Variants in SOS2 observed in about 807,000 individuals in gnomAD.
SOS2 encodes son of sevenless homolog 2.
SOS2 carries 65 observed loss-of-function variants against 148.2 expected under a neutral mutation model. The observed-to-expected ratio is 0.44, with a 90% CI of 0.36 to 0.54. SOS2 has a LOEUF of 0.54. Among genes scored for constraint, SOS2 ranks in the 20% least tolerant of loss-of-function variants. SOS2 has a pLI of 0.00. For synonymous variants in SOS2, 539 were observed against 537.1 expected (o/e 1.00, Z -0.05); for missense variants, 1,341 against 1,590.2 (o/e 0.84, Z 2.67).
chr14:50,202,232 G>A (rs1414345725), intron 2 of SOS2, among the ~76,000 whole-genome samples: 1 of 152,138 alleles, frequency 6.6e-6, no homozygotes. Flanking sequence ...CCAAAGTGCT[G>A]GGATTACAAG....
chr14:50,222,282 A>G (rs1887224323), intron 1 of SOS2, among the ~76,000 whole-genome samples: 1 of 152,216 alleles, frequency 6.6e-6, no homozygotes, highest in South Asian at 2.1e-4. Flanking sequence ...GTTTTTCAAA[A>G]TTCTTTTGGG....
chr14:50,153,404 C>T (rs1264204156), intron 12 of SOS2, among the ~76,000 whole-genome samples: 1 of 152,006 alleles, frequency 6.6e-6, no homozygotes, highest in Non-Finnish European at 1.5e-5. Context: ...TATTTATAAG[C>T]ATAAAAATAG....
chr14:50,197,775 A>G (rs1005151718), intron 4 of SOS2, among the ~76,000 whole-genome samples: 7 of 145,650 alleles, frequency 4.8e-5, no homozygotes, highest in Non-Finnish European at 1.0e-4. Context: ...TGCAAACTCT[A>G]CCTCCTGGGT....
intron 1 of SOS2, among the ~76,000 whole-genome samples, chr14:50,218,081 TG>T (rs1473478954): frequency 2.7e-5 from 4 of 150,778 alleles, no homozygotes; most frequent in Non-Finnish European, 5.9e-5. Context: ...GATGATCATT[TG>T]AGGCCAGGAG....
At chr14:50,209,341 C>G (rs1397161496) in intron 1 of SOS2, among the ~76,000 whole-genome samples, 1 of 125,414 alleles carries the variant, frequency 8.0e-6, no homozygotes, top group African/African-American at 2.7e-5. Context: ...GGTTCTGCTT[C>G]TCTGAAGAAT....
intron 16 of SOS2, among the ~76,000 whole-genome samples, chr14:50,140,740 GA>G (rs753131002): frequency 6.7e-6 from 1 of 150,366 alleles, no homozygotes; most frequent in South Asian, 2.1e-4. Context: ...AGATTGGAAA[GA>G]AAAAAAAATG....
chr14:50,210,753 A>G (rs1483375224), intron 1 of SOS2, among the ~76,000 whole-genome samples: 3 of 152,148 alleles, frequency 2.0e-5, no homozygotes, highest in African/African-American at 7.2e-5. Flanking sequence ...AGCACTTCAC[A>G]AAAGAATAAA....
At chr14:50,135,071 C>CA (rs746540364) in intron 18 of SOS2, among the ~76,000 whole-genome samples, 1,394 of 57,360 alleles carry the variant, frequency 0.024, 115 homozygotes, top group African/African-American at 0.074. Flanking sequence ...GAGACTGTCT[C>CA]AAAAAAAAAA....
chr14:50,153,209 A>AT lies in SOS2; in HGVS notation c.2058-37dup, dbSNP rs748292358. The AT allele has an allele frequency of 1.2e-5, 15 of 1,215,052 alleles. No homozygotes were observed. In the African/African-American group the frequency reaches 1.5e-4, roughly 12 times the overall value. 75.3% of individuals were successfully genotyped at this position (1,215,052 alleles called of 1,614,324 possible). A position where few individuals can be genotyped will look rare whatever the true frequency, so the allele number is the denominator to read the frequency against. ...GGAAAGAAACACATTTTAGTGAAAC[A>AT]TAAGTGTTCAATTACACTTCTTCCT... On this transcript the variant is annotated intron_variant, in intron 12 of 22. Coordinates refer to ENST00000216373, the MANE Select transcript of SOS2 (RefSeq NM_006939.4).
chr14:50,195,810 C>G (rs1411440345), intron 4 of SOS2, among the ~76,000 whole-genome samples: 1 of 152,082 alleles, frequency 6.6e-6, no homozygotes, highest in Non-Finnish European at 1.5e-5. Context: ...GCAGGCAGAT[C>G]ACAAGGTCAG....
At chr14:50,121,668 G>C (rs1194693012) in intron 21 of SOS2, among the ~76,000 whole-genome samples, 2 of 151,434 alleles carry the variant, frequency 1.3e-5, no homozygotes, top group Non-Finnish European at 2.9e-5. Context: ...AGACATCCAA[G>C]TAGATATGTC....
chr14:50,200,870 T>A (rs538540157), intron 3 of SOS2, 83 bp downstream of exon 3: 2 of 1,321,632 alleles, frequency 1.5e-6, no homozygotes, highest in South Asian at 2.6e-5. Flanking sequence ...CAGACCATGC[T>A]ACATTAATGC....
chr14:50,182,384 G>T, intron 6 of SOS2, 79 bp downstream of exon 6: 1 of 1,293,080 alleles, frequency 7.7e-7, no homozygotes, highest in Non-Finnish European at 1.1e-6. Context: ...GTCTCACTAT[G>T]TTGCCAAGAC....
At chr14:50,224,379 G>A (rs1196866940) in intron 1 of SOS2, among the ~76,000 whole-genome samples, 1 of 148,114 alleles carries the variant, frequency 6.8e-6, no homozygotes, top group Non-Finnish European at 1.5e-5. Context: ...ATATAAATGG[G>A]CTCTGGGGAG....
At chr14:50,206,658 A>G (rs1886667156) in intron 1 of SOS2, among the ~76,000 whole-genome samples, 1 of 152,220 alleles carries the variant, frequency 6.6e-6, no homozygotes, top group Non-Finnish European at 1.5e-5. Context: ...GGTGGACTAT[A>G]GTTTCTAATT....
At chr14:50,139,843 G>A in intron 17 of SOS2, 99 bp downstream of exon 17, 1 of 567,916 alleles carries the variant, frequency 1.8e-6, no homozygotes, top group South Asian at 2.9e-5. Context: ...AAAAGTAGAT[G>A]AGCTCAGATA....
intron 22 of SOS2, among the ~76,000 whole-genome samples, chr14:50,119,446 T>G (rs1883422635): frequency 6.6e-6 from 1 of 152,364 alleles, no homozygotes; most frequent in East Asian, 1.9e-4. Flanking sequence ...AGTTGAAAGT[T>G]TGAAGAATAC....
intron 7 of SOS2, among the ~76,000 whole-genome samples, chr14:50,178,909 T>C (rs193259663): frequency 6.6e-6 from 1 of 151,674 alleles, no homozygotes; most frequent in South Asian, 2.1e-4. Context: ...AATTTTTGCA[T>C]TTTTTAGTAG....
intron 19 of SOS2, 86 bp from the exon 20 acceptor site, chr14:50,130,848 T>A (rs1194061316): frequency 8.4e-7 from 1 of 1,195,526 alleles, no homozygotes; most frequent in East Asian, 2.4e-5. Flanking sequence ...ATTAGTCTTA[T>A]TAGTTCTTAA....
Sources: allele counts gnomAD v4.1 joint callset (sites outside exome capture counted in the v4.1 genomes callset), GRCh38; gene constraint gnomAD v4.1.1; transcripts MANE v1.5; gene names NCBI Gene and HGNC (gene_info 2026-07-23, HGNC 2026-07-21).